NUP43: variants seen among roughly 807,000 people sequenced by gnomAD.
The protein encoded by NUP43 is nucleoporin Nup43.
A neutral mutation model predicts 47.3 loss-of-function variants in NUP43; 32 were observed. That is an observed-to-expected ratio of 0.68 (90% CI 0.51 to 0.91). The LOEUF (loss-of-function observed/expected upper bound fraction) is 0.91. NUP43 is among the 40% of genes least tolerant of loss of function. The probability of loss-of-function intolerance (pLI) is 0.00; values close to 1 mark genes in which losing one functional copy is unlikely to be tolerated. For synonymous variants in NUP43, 147 were observed against 158.4 expected (o/e 0.93, Z 0.54); for missense variants, 444 against 453.9 (o/e 0.98, Z 0.20).
At chr6:149,739,589 G>A (rs543251378) in intron 4 of NUP43, among the ~76,000 whole-genome samples, 140 of 152,178 alleles carry the variant, frequency 9.2e-4, no homozygotes, top group African/African-American at 3.1e-3. Flanking sequence ...GCCCAGCCTT[G>A]AACTGTTTTC....
At chr6:149,739,287 CTTT>C (rs1474817373) in intron 4 of NUP43, among the ~76,000 whole-genome samples, 2 of 151,254 alleles carry the variant, frequency 1.3e-5, no homozygotes, top group Non-Finnish European at 3.0e-5. Flanking sequence ...CTACTGTTTT[CTTT>C]TTCTTTTTGT....
At chr6:149,737,034 T>G (rs1325671964) in intron 5 of NUP43, among the ~76,000 whole-genome samples, 2 of 151,972 alleles carry the variant, frequency 1.3e-5, no homozygotes, top group African/African-American at 4.8e-5. Context: ...CTCACACCTG[T>G]AATCCCAGCA....
At chr6:149,746,611 CAG>C, upstream of NUP43, 1 of 1,607,246 alleles carries the variant, frequency 6.2e-7, no homozygotes, top group Non-Finnish European at 8.5e-7. Flanking sequence ...ACGGTGGCTG[CAG>C]AGAGTCAATT....
intron 7 of NUP43, chr6:149,727,857 G>A: frequency 1.0e-6 from 1 of 984,990 alleles, no homozygotes; most frequent in Non-Finnish European, 1.2e-6. Flanking sequence ...GTCATTATTC[G>A]CAACTTACTT....
chr6:149,749,343 C>T (rs1786190460), upstream of NUP43: 1 of 208,038 alleles, frequency 4.8e-6, no homozygotes, highest in African/African-American at 2.3e-5. Context: ...ATGAAGCCCA[C>T]CGTCTAACAA....
upstream of NUP43, chr6:149,746,688 C>G (rs1176874985): frequency 6.5e-7 from 1 of 1,532,130 alleles, no homozygotes; most frequent in Admixed American, 2.0e-5. Flanking sequence ...TCTCACAGAG[C>G]AGCTCTGAGC....
Position 149,730,776 on chromosome 6 carries a change from T to TAA in NUP43, c.913+835_913+836dup, listed in dbSNP as rs1238040244. ...TGAGAGCTCATCTCTACAAAAAAAT[T>TAA]AAAAAAAAAAAATTAGCTGGTTGTG... On this transcript the variant is annotated intron_variant, in intron 7 of 7. Transcript: ENST00000340413. Among the ~76,000 whole-genome samples the TAA allele has an allele frequency of 1.7e-3, 239 of 143,180 alleles. 1 individual carries two copies. The highest frequency in any genetic ancestry group is 5.8e-3 in the African/African-American group (225 of 39,072). The allele number at this position is 143,180 out of a possible 152,430, so 93.9% of individuals were successfully genotyped here.
At chr6:149,743,591 C>A (rs768154835) in intron 3 of NUP43, 47 bp downstream of exon 3, 17 of 1,239,582 alleles carry the variant, frequency 1.4e-5, no homozygotes, top group Admixed American at 2.0e-5. Flanking sequence ...GAGCAAAACT[C>A]CATTTCAAAA....
chr6:149,740,823 C>T (rs12212415), intron 4 of NUP43, among the ~76,000 whole-genome samples: 34,339 of 152,094 alleles, frequency 0.23, 5,068 homozygotes, highest in Non-Finnish European at 0.33. Flanking sequence ...GCATTACAGA[C>T]TCTTTGCAAT....
chr6:149,738,515 A>T, intron 5 of NUP43, 128 bp downstream of exon 5: 1 of 615,142 alleles, frequency 1.6e-6, no homozygotes, highest in Non-Finnish European at 2.5e-6. Flanking sequence ...TTGCTCTACC[A>T]AATTTTAATC....
chr6:149,726,546 A>T lies in NUP43; in HGVS notation c.*423T>A, dbSNP rs1784797865. 1 of 176,654 alleles carries T rather than the reference A, an allele frequency of 5.7e-6. No homozygotes were observed. The highest frequency in any genetic ancestry group is 1.2e-5 in the Non-Finnish European group (1 of 81,798). The allele number at this position is 176,654 out of a possible 1,614,324, so 10.9% of individuals were successfully genotyped here. A position where few individuals can be genotyped will look rare whatever the true frequency, so the allele number is the denominator to read the frequency against. ...CTTGCAATAAAAAGAATAATCATTA[A>T]CATTGGCAACTGCCACTAGGAAGGT... On this transcript the variant is annotated 3_prime_UTR_variant, in exon 8 of 8. Transcript: ENST00000340413.
chr6:149,734,764 C>T (rs1342052000), intron 6 of NUP43, among the ~76,000 whole-genome samples: 5 of 148,264 alleles, frequency 3.4e-5, no homozygotes, highest in Admixed American at 2.7e-4. Flanking sequence ...TGCCACTGCA[C>T]TCCAGCCTGG....
rs1582989243 is a variant in NUP43, at chr6:149,746,450, T to G, written c.46A>C (p.Thr16Pro). The G allele has an allele frequency of 6.2e-7, 1 of 1,613,952 alleles. No individual in the cohort carries two copies. The highest frequency in any genetic ancestry group is 8.5e-7 in the Non-Finnish European group (1 of 1,180,004). Residue 16 changes from threonine (T) to proline (P), a missense_variant, in exon 1 of 8, where the codon ACC becomes CCC. Coordinates refer to ENST00000340413, the MANE Select transcript of NUP43 (RefSeq NM_198887.3). ...AKFVSQKISKTRWRPLPPGSL... is the reference protein window; with the variant it reads ...AKFVSQKISKPRWRPLPPGSL... ...CCCGGAGGCAGCGGTCGCCAGCGGG[T>G]TTTGCTGATTTTCTGGGACACAAAC...
At chr6:149,739,923 T>C (rs1210983444) in intron 4 of NUP43, among the ~76,000 whole-genome samples, 1 of 152,204 alleles carries the variant, frequency 6.6e-6, no homozygotes, top group Non-Finnish European at 1.5e-5. Context: ...TAATTTAACA[T>C]ATACTTTATG....
At chr6:149,727,426 C>A in intron 7 of NUP43, 1 of 977,796 alleles carries the variant, frequency 1.0e-6, no homozygotes, top group Non-Finnish European at 1.2e-6. Context: ...AACTCGAAGT[C>A]TTCAGGAAAA....
chr6:149,743,613 CACTTCTCAAACTA>C lies in NUP43; in HGVS notation c.321+12_321+24del, dbSNP rs1402873231. 1 of 1,425,414 alleles carries C rather than the reference CACTTCTCAAACTA, an allele frequency of 7.0e-7. No homozygotes were observed. Among genetic ancestry groups the C allele is most frequent in the African/African-American group, 1.4e-5 (1 of 69,724 alleles). The allele number at this position is 1,425,414 out of a possible 1,614,324, so 88.3% of individuals were successfully genotyped here. A position where few individuals can be genotyped will look rare whatever the true frequency, so the allele number is the denominator to read the frequency against. ...ACTCCATTTCAAAAAAAAAAAAAAT[CACTTCTCAAACTA>C]AAGTTCTTTACCTGGTTATTTGGAT... On this transcript the variant is annotated intron_variant, in intron 3 of 7. Coordinates refer to ENST00000340413, the MANE Select transcript of NUP43 (RefSeq NM_198887.3).
chr6:149,735,608 A>AAC (rs1350889267), intron 6 of NUP43, among the ~76,000 whole-genome samples: 1 of 150,222 alleles, frequency 6.7e-6, no homozygotes, highest in Admixed American at 6.7e-5. Context: ...CAAAAAAAAA[A>AAC]AAAAAAAAAA....
At chr6:149,748,182 G>T (rs1403785911), upstream of NUP43, among the ~76,000 whole-genome samples, 2 of 152,146 alleles carry the variant, frequency 1.3e-5, no homozygotes, top group African/African-American at 4.8e-5. Context: ...TGGGCATGGT[G>T]GTGCGTGCCT....
At chr6:149,749,127 A>G, upstream of NUP43, among the ~76,000 whole-genome samples, 1 of 150,894 alleles carries the variant, frequency 6.6e-6, no homozygotes, top group Non-Finnish European at 1.5e-5. Context: ...CCCCACCCCC[A>G]TGTCCTGGTA....
Sources: allele counts gnomAD v4.1 joint callset (sites outside exome capture counted in the v4.1 genomes callset), GRCh38; gene constraint gnomAD v4.1.1; transcripts MANE v1.5; gene names NCBI Gene and HGNC (gene_info 2026-07-23, HGNC 2026-07-21).